CSMD1: variants seen among roughly 807,000 people sequenced by gnomAD.
The protein encoded by CSMD1 is CUB and Sushi multiple domains 1, also known as CUB and sushi domain-containing protein 1.
In CSMD1, 213 loss-of-function variants were observed where a neutral mutation model predicts 417.5. That is an observed-to-expected ratio of 0.51 (90% CI 0.46 to 0.57). The LOEUF (loss-of-function observed/expected upper bound fraction) is 0.57, where lower values mean the gene tolerates loss of function less well. Ranked by LOEUF, CSMD1 falls within the 20% of genes least tolerant of loss-of-function variation. CSMD1 has a pLI of 0.00. For missense variants in CSMD1, 6,923 were observed against 4,529.7 expected (o/e 1.53, Z -15.17); for synonymous variants, 2,862 against 1,736.8 (o/e 1.65, Z -16.11).
rs147657986 is a variant in CSMD1, at chr8:3,370,109, G to A, written c.2783-739C>T. Among the ~76,000 whole-genome samples the A allele has an allele frequency of 5.9e-5, 9 of 152,278 alleles. No homozygotes were observed. In the East Asian group the frequency reaches 1.7e-3, roughly 29 times the overall value. ...ATCAAAACGTTATCTACTGAGAGTT[G>A]CTAACGGGAATTCAATTCTTAAGAT... On this transcript the variant is annotated intron_variant, in intron 18 of 69. Coordinates refer to ENST00000635120, the MANE Select transcript of CSMD1 (RefSeq NM_033225.6).
At chr8:3,959,308 G>A (rs1462520303) in intron 5 of CSMD1, among the ~76,000 whole-genome samples, 2 of 152,114 alleles carry the variant, frequency 1.3e-5, no homozygotes, top group Non-Finnish European at 2.9e-5. Context: ...ATCAGCCTGG[G>A]CAACATGGCA....
chr8:4,917,053 A>C (rs1806111282), intron 1 of CSMD1, among the ~76,000 whole-genome samples: 1 of 152,160 alleles, frequency 6.6e-6, no homozygotes, highest in African/African-American at 2.4e-5. Context: ...GAGAGATTTA[A>C]TTGGCTCAGG....
At chr8:4,441,880 G>C (rs868541142) in intron 2 of CSMD1, among the ~76,000 whole-genome samples, 1 of 152,160 alleles carries the variant, frequency 6.6e-6, no homozygotes, top group Non-Finnish European at 1.5e-5. Flanking sequence ...TTATTTTAAA[G>C]TATGCTGCTA....
At chr8:4,557,658 GA>G (rs772890496) in intron 2 of CSMD1, among the ~76,000 whole-genome samples, 1 of 151,882 alleles carries the variant, frequency 6.6e-6, no homozygotes, top group East Asian at 1.9e-4. Context: ...ATGGAAATAA[GA>G]AAGAAAGGAA....
chr8:4,835,719 A>G (rs1800436892), intron 1 of CSMD1, among the ~76,000 whole-genome samples: 1 of 151,914 alleles, frequency 6.6e-6, no homozygotes, highest in African/African-American at 2.4e-5. Context: ...TTTTAGTTCA[A>G]CATTTACCCA....
At chr8:4,449,997 G>A (rs1001304342) in intron 2 of CSMD1, among the ~76,000 whole-genome samples, 1 of 152,126 alleles carries the variant, frequency 6.6e-6, no homozygotes, top group African/African-American at 2.4e-5. Flanking sequence ...CCCTGTCCTA[G>A]CCATCTCTCC....
At chr8:3,181,963 G>C (rs532682481) in intron 36 of CSMD1, among the ~76,000 whole-genome samples, 5 of 152,218 alleles carry the variant, frequency 3.3e-5, no homozygotes, top group African/African-American at 4.8e-5. Flanking sequence ...AAAAATAATA[G>C]ACAAGTTTAA....
intron 52 of CSMD1, among the ~76,000 whole-genome samples, chr8:3,012,283 T>G (rs1424105041): frequency 6.6e-6 from 1 of 152,224 alleles, no homozygotes; most frequent in East Asian, 1.9e-4. Context: ...TTCTTGAATA[T>G]TAGGTGTAGA....
In CSMD1 at chr8:4,519,742, CAAAAAAAAAAAAAAAAAAAAAA is replaced by C. The variant is rs57747377; in HGVS notation, c.303-99699_303-99678del. On this transcript the variant is annotated intron_variant, in intron 2 of 69. Transcript: ENST00000635120. ...TAGGCAGCAGAGTCAGACTTCATCT[CAAAAAAAAAAAAAAAAAAAAAA>C]AAAAAAAAAAAAAAAAAATTCTTGC... is the stretch of plus-strand genomic sequence containing the variant. Among the ~76,000 whole-genome samples the C allele has an allele frequency of 2.2e-4, 18 of 80,368 alleles. 1 individual carries two copies. Among genetic ancestry groups the C allele is most frequent in the South Asian group, 4.7e-4 (1 of 2,106 alleles). 52.7% of individuals were successfully genotyped at this position (80,368 alleles called of 152,430 possible). A position where few individuals can be genotyped will look rare whatever the true frequency, so the allele number is the denominator to read the frequency against.
rs754098244 is a variant in CSMD1 at position 3,708,478 on chromosome 8, A to C, written c.945T>G (p.Ile315Met). The C allele has an allele frequency of 1.1e-5, 18 of 1,613,918 alleles. No individual in the cohort carries two copies. In the South Asian group the frequency reaches 1.9e-4, roughly 17 times the overall value. ...TCTTGACTCCTCTTGACTTCAACTCAATCGCCTTTTTCACTGGAAGAAACA... is the reference window on the plus strand; with the variant it reads ...TCTTGACTCCTCTTGACTTCAACTCCATCGCCTTTTTCACTGGAAGAAACA... ...FNAQFQVKKAIELKSRGVKML... is the reference protein window; with the variant it reads ...FNAQFQVKKAMELKSRGVKML... The change falls in exon 7 of 70, where the codon ATT (isoleucine) becomes ATG (methionine). Residue 315 changes from isoleucine (I) to methionine (M), a missense_variant. Physicochemically the swap from Ile to Met is conservative, Grantham distance 10 (BLOSUM62 1). Coordinates refer to ENST00000635120, the MANE Select transcript of CSMD1 (RefSeq NM_033225.6).
At chr8:3,957,529 A>G (rs1416482379) in intron 5 of CSMD1, among the ~76,000 whole-genome samples, 1 of 151,974 alleles carries the variant, frequency 6.6e-6, no homozygotes. Context: ...TAAAATTTTA[A>G]AAAAACTAGC....
chr8:3,881,261 T>C (rs971996903), intron 5 of CSMD1, among the ~76,000 whole-genome samples: 2 of 22,020 alleles, frequency 9.1e-5, no homozygotes, highest in African/African-American at 1.9e-4. Context: ...TCTTTGTTTT[T>C]TGCTTTTTTT....
chr8:3,752,691 A>AC lies in CSMD1; in HGVS notation c.931+1238_931+1239insG, dbSNP rs1321294036. On this transcript the variant is annotated intron_variant, in intron 6 of 69. Transcript: ENST00000635120. ...CCCCGCCTGGCAAAAAAAAAAAAAA[A>AC]AAAAAAAAAAAAACATATTTTGTTG... Among the ~76,000 whole-genome samples the AC allele has an allele frequency of 5.1e-4, 34 of 66,556 alleles. 1 individual carries two copies. Among genetic ancestry groups the AC allele is most frequent in the African/African-American group, 1.4e-3 (33 of 22,776 alleles). 43.7% of individuals were successfully genotyped at this position (66,556 alleles called of 152,430 possible).
intron 10 of CSMD1, among the ~76,000 whole-genome samples, chr8:3,574,620 T>C (rs1254234756): frequency 6.6e-6 from 1 of 152,148 alleles, no homozygotes; most frequent in Non-Finnish European, 1.5e-5. Flanking sequence ...ATAAATACTG[T>C]GGTATTTAAG....
intron 4 of CSMD1, among the ~76,000 whole-genome samples, chr8:4,007,627 T>C (rs1214099049): frequency 6.6e-6 from 1 of 152,198 alleles, no homozygotes; most frequent in Non-Finnish European, 1.5e-5. Context: ...TTCTTGCACT[T>C]GCGTGCACCT....
intron 4 of CSMD1, among the ~76,000 whole-genome samples, chr8:4,010,146 C>T (rs1032911962): frequency 2.6e-5 from 4 of 152,162 alleles, no homozygotes; most frequent in African/African-American, 9.7e-5. Context: ...TCTCTGAAGT[C>T]ATCTCAGTAG....
chr8:4,626,640 G>C (rs1365717972), intron 2 of CSMD1, among the ~76,000 whole-genome samples: 1 of 152,050 alleles, frequency 6.6e-6, no homozygotes, highest in Non-Finnish European at 1.5e-5. Context: ...AGGGCAGGGC[G>C]CCAGCTTGAT....
intron 36 of CSMD1, among the ~76,000 whole-genome samples, chr8:3,182,195 G>A (rs985375270): frequency 6.6e-6 from 1 of 152,138 alleles, no homozygotes; most frequent in African/African-American, 2.4e-5. Context: ...TTATTGAAAA[G>A]ATAAGATTGT....
chr8:3,460,811 CT>C (rs1816452872), intron 12 of CSMD1, among the ~76,000 whole-genome samples: 1 of 152,196 alleles, frequency 6.6e-6, no homozygotes, highest in Non-Finnish European at 1.5e-5. Flanking sequence ...TGATGCCGCA[CT>C]CTGGGTAAGA....
Sources: gnomAD v4.1 joint callset for allele counts (sites outside exome capture counted in the v4.1 genomes callset) on GRCh38, gnomAD v4.1.1 for gene constraint, MANE v1.5 for transcripts, NCBI Gene and HGNC (gene_info 2026-07-23, HGNC 2026-07-21) for gene names.